EGFR: variants seen among roughly 807,000 people sequenced by gnomAD.
The protein encoded by EGFR is epidermal growth factor receptor.
A neutral mutation model predicts 143.0 loss-of-function variants in EGFR; 58 were observed. The observed-to-expected ratio is 0.41, with a 90% CI of 0.33 to 0.50. EGFR has a LOEUF of 0.50. EGFR is among the 20% of genes least tolerant of loss of function. The pLI, the probability that EGFR is intolerant of heterozygous loss-of-function variation, is 0.39. For missense variants in EGFR, 1,307 were observed against 1,579.0 expected (o/e 0.83, Z 2.92); for synonymous variants, 613 against 594.4 (o/e 1.03, Z -0.45).
At chr7:55,044,561 C>G (rs1164251793) in intron 1 of EGFR, among the ~76,000 whole-genome samples, 1 of 152,154 alleles carries the variant, frequency 6.6e-6, no homozygotes. Context: ...GTGCTTCGAG[C>G]GAGTTACCAG....
intron 1 of EGFR, among the ~76,000 whole-genome samples, chr7:55,044,720 C>G (rs1262304533): frequency 6.6e-6 from 1 of 152,206 alleles, no homozygotes; most frequent in African/African-American, 2.4e-5. Flanking sequence ...TCCCGCCGCC[C>G]CCCGCATAAC....
intron 22 of EGFR, among the ~76,000 whole-genome samples, chr7:55,195,753 T>C (rs1787588264): frequency 1.3e-5 from 2 of 152,228 alleles, no homozygotes. Flanking sequence ...CTCCCACTTA[T>C]AAGTAAGAAC....
At position 55,192,768 on chromosome 7, in the gene EGFR, G is replaced by A. The variant is rs1471553524; in HGVS notation, c.2628G>A (p.Val876=). 1 of 1,614,066 alleles carries A rather than the reference G, an allele frequency of 6.2e-7. No individual in the cohort carries two copies. The highest frequency in any genetic ancestry group is 1.1e-5 in the South Asian group (1 of 91,076). ...GCCTCATCTCTCACCATCCCAAGGT[G>A]CCTATCAAGTGGATGGCATTGGAAT... The part of the protein sequence containing the change: ...EKEYHAEGGK[V]PIKWMALESI... Residue 876 remains valine, a splice_region_variant and synonymous_variant, in exon 22 of 28, where the codon GTG becomes GTA. Transcript: ENST00000275493.
chr7:55,067,972 A>G (rs1260830440), intron 1 of EGFR, among the ~76,000 whole-genome samples: 1 of 150,466 alleles, frequency 6.6e-6, no homozygotes, highest in Non-Finnish European at 1.5e-5. Flanking sequence ...GTACGTGTGT[A>G]CGTGTGTGTG....
At chr7:55,062,743 A>G (rs976606410) in intron 1 of EGFR, among the ~76,000 whole-genome samples, 3 of 152,100 alleles carry the variant, frequency 2.0e-5, no homozygotes, top group African/African-American at 7.2e-5. Flanking sequence ...AGTTCTTTGA[A>G]AATATCAGAA....
At chr7:55,106,079 A>C (rs1792109817) in intron 1 of EGFR, among the ~76,000 whole-genome samples, 1 of 152,248 alleles carries the variant, frequency 6.6e-6, no homozygotes. Context: ...GGAGACCTAG[A>C]GACCCAGGTC....
intron 1 of EGFR, among the ~76,000 whole-genome samples, chr7:55,111,294 A>C (rs1792471829): frequency 6.6e-6 from 1 of 151,600 alleles, no homozygotes; most frequent in South Asian, 2.1e-4. Flanking sequence ...CCAGGGTATG[A>C]TTTGCAATCC....
At chr7:55,027,723 A>G (rs1410430882) in intron 1 of EGFR, among the ~76,000 whole-genome samples, 1 of 152,112 alleles carries the variant, frequency 6.6e-6, no homozygotes, top group Admixed American at 6.5e-5. Context: ...GAGAAATGAA[A>G]CAAAAGTTTG....
chr7:55,204,105 C>A (rs1490392251), intron 27 of EGFR, among the ~76,000 whole-genome samples: 1 of 151,428 alleles, frequency 6.6e-6, no homozygotes, highest in Non-Finnish European at 1.5e-5. Flanking sequence ...TAGAAAAATG[C>A]AAGTTAAGGC....
chr7:55,031,812 G>A (rs929220423), intron 1 of EGFR, among the ~76,000 whole-genome samples: 4 of 152,118 alleles, frequency 2.6e-5, no homozygotes, highest in South Asian at 2.1e-4. Context: ...TATATTCTTC[G>A]GGGTTTTTTG....
At chr7:55,203,149 TACAC>T (rs1313462276) in intron 27 of EGFR, 7 of 230,352 alleles carry the variant, frequency 3.0e-5, no homozygotes, top group Non-Finnish European at 5.9e-5. Context: ...ACCACACACA[TACAC>T]AGACACCACA....
At chr7:55,205,179 A>G (rs2128974927) in intron 27 of EGFR, 77 bp from the exon 28 acceptor site, 9 of 1,580,486 alleles carry the variant, frequency 5.7e-6, no homozygotes, top group Non-Finnish European at 7.7e-6. Context: ...GGACATTCAC[A>G]GGGTTCAGAA....
chr7:55,169,048 C>T (rs1000913454), intron 15 of EGFR, among the ~76,000 whole-genome samples: 1 of 152,062 alleles, frequency 6.6e-6, no homozygotes, highest in Middle Eastern at 3.4e-3. Flanking sequence ...ACCTTCCAAC[C>T]GGGCAGGTGC....
chr7:55,116,661 G>A (rs933317070), intron 1 of EGFR, among the ~76,000 whole-genome samples: 9 of 152,144 alleles, frequency 5.9e-5, no homozygotes, highest in East Asian at 1.9e-4. Flanking sequence ...GAAGCACCCC[G>A]TGCTGCCTCC....
chr7:55,112,036 T>A (rs1178347129), intron 1 of EGFR, among the ~76,000 whole-genome samples: 1 of 152,016 alleles, frequency 6.6e-6, no homozygotes, highest in Non-Finnish European at 1.5e-5. Context: ...CTGGCGTGAC[T>A]GAGGCAGACA....
rs527629961 is a variant in EGFR, at chr7:55,172,892, G to A, written c.1920-91G>A. The A allele has an allele frequency of 1.2e-5, 19 of 1,611,720 alleles. No homozygotes were observed. In the East Asian group the frequency reaches 3.6e-4, roughly 30 times the overall value. ...TCCAAGATCATTCTACAAGATGTCA[G>A]TGCACTGAAACATGCAGGGGCGTGT... On this transcript the variant is annotated intron_variant, in intron 16 of 27. Coordinates refer to ENST00000275493, the MANE Select transcript of EGFR (RefSeq NM_005228.5).
At chr7:55,148,564 C>T (rs916879614) in intron 4 of EGFR, among the ~76,000 whole-genome samples, 8 of 152,100 alleles carry the variant, frequency 5.3e-5, no homozygotes, top group African/African-American at 1.7e-4. Context: ...ACATTTCAAG[C>T]CAATAAGAGA....
intron 1 of EGFR, among the ~76,000 whole-genome samples, chr7:55,061,649 T>TGTGTGTGTGA (rs1432070752): frequency 7.1e-4 from 94 of 132,800 alleles, no homozygotes; most frequent in Middle Eastern, 4.1e-3. Context: ...TGTGTGTGTG[T>TGTGTGTGTGA]GAGAGAGAGA....
chr7:55,141,810 A>G (rs961688730), intron 1 of EGFR, among the ~76,000 whole-genome samples: 7 of 152,232 alleles, frequency 4.6e-5, no homozygotes, highest in African/African-American at 1.7e-4. Flanking sequence ...TAAAAAGTTC[A>G]TTATATAGTT....
Sources: allele counts gnomAD v4.1 joint callset (sites outside exome capture counted in the v4.1 genomes callset), GRCh38; gene constraint gnomAD v4.1.1; transcripts MANE v1.5; gene names NCBI Gene and HGNC (gene_info 2026-07-23, HGNC 2026-07-21).